The following RGS6 variants were observed in gnomAD, a reference collection of about 807,000 sequenced individuals.
RGS6 encodes regulator of G protein signaling 6, also known as regulator of G-protein signaling 6.
Under a neutral mutation model 78.5 loss-of-function variants are expected in RGS6, and 30 were observed. The ratio of observed to expected loss-of-function variants is 0.38; its 90% CI spans 0.29 to 0.52. The LOEUF is 0.52. Among genes scored for constraint, RGS6 ranks in the 20% least tolerant of loss-of-function variants. The pLI, the probability that RGS6 is intolerant of heterozygous loss-of-function variation, is 0.85. For missense variants in RGS6, 495 were observed against 609.7 expected (o/e 0.81, Z 1.98); for synonymous variants, 206 against 206.0 (o/e 1.00, Z 0.00).
chr14:72,197,614 G>C (rs2153731214), intron 2 of RGS6, among the ~76,000 whole-genome samples: 1 of 152,268 alleles, frequency 6.6e-6, no homozygotes, highest in South Asian at 2.1e-4. Context: ...AATTAAAATT[G>C]TGACAAAATT....
intron 2 of RGS6, among the ~76,000 whole-genome samples, chr14:71,981,072 C>T (rs1243517301): frequency 1.3e-5 from 2 of 150,236 alleles, no homozygotes; most frequent in African/African-American, 4.9e-5. Context: ...GAGGCTTCTG[C>T]ATTCTTCACA....
chr14:72,495,037 A>G, intron 12 of RGS6, 115 bp from the exon 13 acceptor site: 1 of 680,560 alleles, frequency 1.5e-6, no homozygotes, highest in South Asian at 1.8e-5. Flanking sequence ...GCGGAAATAA[A>G]TTTTTTCCTT....
chr14:72,205,230 C>T (rs2042446729), intron 2 of RGS6, among the ~76,000 whole-genome samples: 1 of 152,168 alleles, frequency 6.6e-6, no homozygotes, highest in Non-Finnish European at 1.5e-5. Flanking sequence ...CAGTTGCTCA[C>T]ATTCACCACC....
chr14:72,327,883 C>T (rs530676818), intron 2 of RGS6, among the ~76,000 whole-genome samples: 15 of 151,994 alleles, frequency 9.9e-5, no homozygotes, highest in South Asian at 4.2e-4. Context: ...ATAGGATTTA[C>T]GTTATATATA....
At chr14:72,489,289 C>A (rs1176933027) in intron 12 of RGS6, among the ~76,000 whole-genome samples, 1 of 152,194 alleles carries the variant, frequency 6.6e-6, no homozygotes, top group African/African-American at 2.4e-5. Flanking sequence ...CAACTCGTCA[C>A]CCCCTGAACA....
intron 2 of RGS6, among the ~76,000 whole-genome samples, chr14:72,271,929 T>C (rs1271185537): frequency 6.6e-6 from 1 of 151,988 alleles, no homozygotes; most frequent in East Asian, 1.9e-4. Flanking sequence ...ACTTTTTTTT[T>C]TTTTTTTTGC....
At chr14:72,300,303 A>G (rs1469069412) in intron 2 of RGS6, among the ~76,000 whole-genome samples, 2 of 152,238 alleles carry the variant, frequency 1.3e-5, no homozygotes, top group South Asian at 4.1e-4. Flanking sequence ...TAAAAAAATG[A>G]AACTTGAGGC....
chr14:72,236,979 C>T (rs1399965416), intron 2 of RGS6, among the ~76,000 whole-genome samples: 3 of 152,200 alleles, frequency 2.0e-5, no homozygotes, highest in Non-Finnish European at 4.4e-5. Context: ...TTCCACCCTA[C>T]GTGCACGCAG....
chr14:71,916,064 T>C, the RGS6 span, among the ~76,000 whole-genome samples: 28 of 152,188 alleles, frequency 1.8e-4, no homozygotes, highest in Non-Finnish European at 1.5e-5. Flanking sequence ...CCACACAGTC[T>C]GTTGTATTTT....
intron 15 of RGS6, among the ~76,000 whole-genome samples, chr14:72,522,117 A>G (rs912742160): frequency 5.3e-5 from 8 of 152,218 alleles, no homozygotes; most frequent in Non-Finnish European, 1.2e-4. Flanking sequence ...ACAGAAATTT[A>G]TCACAGTTCT....
chr14:72,315,845 C>G (rs1164761641), intron 2 of RGS6, among the ~76,000 whole-genome samples: 2 of 152,170 alleles, frequency 1.3e-5, no homozygotes, highest in East Asian at 3.8e-4. Context: ...CAAGTAAGTT[C>G]TTCCCAGGCA....
chr14:72,558,329 G>C (rs2097614886), intron 17 of RGS6, among the ~76,000 whole-genome samples: 1 of 152,118 alleles, frequency 6.6e-6, no homozygotes, highest in African/African-American at 2.4e-5. Context: ...AGCCGCTAGT[G>C]CTTGGCTCTG....
At chr14:72,259,288 A>G (rs900397342) in intron 2 of RGS6, among the ~76,000 whole-genome samples, 2 of 152,196 alleles carry the variant, frequency 1.3e-5, no homozygotes, top group African/African-American at 4.8e-5. Context: ...GTAACTATAT[A>G]TCAAAATTAA....
chr14:72,090,916 T>G (rs2095247864), intron 2 of RGS6, among the ~76,000 whole-genome samples: 1 of 152,196 alleles, frequency 6.6e-6, no homozygotes, highest in Admixed American at 6.5e-5. Flanking sequence ...TCCAGGGCCC[T>G]TATTTTCTTT....
At chr14:72,368,539 A>G (rs1183729095) in intron 3 of RGS6, among the ~76,000 whole-genome samples, 1 of 152,178 alleles carries the variant, frequency 6.6e-6, no homozygotes. Flanking sequence ...GATGGATGGC[A>G]TCATCACTCA....
intron 2 of RGS6, among the ~76,000 whole-genome samples, chr14:72,007,613 A>G (rs1258867200): frequency 6.6e-6 from 1 of 152,122 alleles, no homozygotes; most frequent in African/African-American, 2.4e-5. Flanking sequence ...AGTATATTTT[A>G]TGTGCGGACC....
At chr14:72,036,067 T>C (rs2091649805) in intron 2 of RGS6, among the ~76,000 whole-genome samples, 1 of 152,092 alleles carries the variant, frequency 6.6e-6, no homozygotes, top group South Asian at 2.1e-4. Flanking sequence ...CACTACCCTG[T>C]TACCCATCAC....
chr14:72,147,893 A>C (rs1026092749), intron 2 of RGS6, among the ~76,000 whole-genome samples: 1 of 152,186 alleles, frequency 6.6e-6, no homozygotes. Flanking sequence ...GCACTTTGGG[A>C]GGCCAAGGCG....
chr14:71,891,218 T>G, the RGS6 span, among the ~76,000 whole-genome samples: 1 of 152,228 alleles, frequency 6.6e-6, no homozygotes, highest in African/African-American at 2.4e-5. Flanking sequence ...TTAGCATTGA[T>G]ATAACACAAT....
Sources: allele counts gnomAD v4.1 joint callset (sites outside exome capture counted in the v4.1 genomes callset), GRCh38; gene constraint gnomAD v4.1.1; transcripts MANE v1.5; gene names NCBI Gene and HGNC (gene_info 2026-07-23, HGNC 2026-07-21).